PLCB4: variants seen among roughly 807,000 people sequenced by gnomAD.
PLCB4 encodes the protein 1-phosphatidylinositol 4,5-bisphosphate phosphodiesterase beta-4.
Under a neutral mutation model 178.8 loss-of-function variants are expected in PLCB4, and 77 were observed. The ratio of observed to expected loss-of-function variants is 0.43; its 90% CI spans 0.36 to 0.52. The LOEUF (loss-of-function observed/expected upper bound fraction) is 0.52. PLCB4 is among the 20% of genes least tolerant of loss of function. The pLI is 0.00. For missense variants in PLCB4, 1,024 were observed against 1,453.4 expected, an observed-to-expected ratio of 0.70 and a Z score of 4.80; for synonymous variants, 496 against 490.8, an observed-to-expected ratio of 1.01 and a Z score of -0.14.
intron 3 of PLCB4, among the ~76,000 whole-genome samples, chr20:9,250,481 T>C (rs1414993974): frequency 2.0e-5 from 3 of 152,266 alleles, no homozygotes; most frequent in Non-Finnish European, 2.9e-5. Context: ...AGACTGCATA[T>C]GAGTTATATA....
chr20:9,438,404 C>G (rs1313141405), intron 30 of PLCB4, among the ~76,000 whole-genome samples: 2 of 150,610 alleles, frequency 1.3e-5, no homozygotes, highest in African/African-American at 4.9e-5. Context: ...AATAAGTTGG[C>G]AGCTTTGATA....
rs553691545 is a variant in PLCB4, at chr20:9,203,777, GTTTTTTT to G, written c.-78-13593_-78-13587del. On this transcript the variant is annotated intron_variant, in intron 2 of 39. Transcript: ENST00000378473. The stretch of plus-strand genomic sequence containing the variant: ...TCCGAAGGCTCCATTTGGGAATAGT[GTTTTTTT>G]TTTTTTTTTTTTTTTTTTTCCCATT... Among the ~76,000 whole-genome samples the G allele has an allele frequency of 3.2e-3, 330 of 101,696 alleles. 6 individuals carry two copies. The highest frequency in any genetic ancestry group is 7.9e-3 in the African/African-American group (236 of 29,742). The allele number at this position is 101,696 out of a possible 152,430, so 66.7% of individuals were successfully genotyped here.
chr20:9,422,090 G>A (rs1440587109), intron 27 of PLCB4, among the ~76,000 whole-genome samples: 3 of 152,196 alleles, frequency 2.0e-5, no homozygotes, highest in South Asian at 2.1e-4. Flanking sequence ...TGGAAAATCC[G>A]CACACCGGCA....
chr20:9,285,231 G>A (rs1453529506), intron 3 of PLCB4, among the ~76,000 whole-genome samples: 2 of 151,552 alleles, frequency 1.3e-5, no homozygotes, highest in East Asian at 3.9e-4. Context: ...GTTTATAATG[G>A]CATTATTTTA....
intron 1 of PLCB4, among the ~76,000 whole-genome samples, chr20:9,086,860 C>T (rs1017173175): frequency 1.2e-4 from 19 of 152,162 alleles, no homozygotes; most frequent in Admixed American, 5.9e-4. Flanking sequence ...TTCACATCAC[C>T]GGTTTAAATG....
chr20:9,301,988 T>A (rs1362902523), intron 3 of PLCB4, among the ~76,000 whole-genome samples: 1 of 152,182 alleles, frequency 6.6e-6, no homozygotes, highest in Non-Finnish European at 1.5e-5. Flanking sequence ...GTAAAGTCTC[T>A]TCCACTTCCC....
At chr20:9,340,133 A>G (rs1361161728) in intron 7 of PLCB4, among the ~76,000 whole-genome samples, 1 of 152,156 alleles carries the variant, frequency 6.6e-6, no homozygotes, top group Non-Finnish European at 1.5e-5. Flanking sequence ...TGTAGGTTGA[A>G]TTTCTAATAT....
intron 1 of PLCB4, among the ~76,000 whole-genome samples, chr20:9,077,878 C>G (rs1240904010): frequency 6.6e-6 from 1 of 152,164 alleles, no homozygotes; most frequent in Non-Finnish European, 1.5e-5. Flanking sequence ...TTAAGAATCT[C>G]TTTTGCTTTT....
At chr20:9,315,741 T>C (rs2094891265) in intron 4 of PLCB4, among the ~76,000 whole-genome samples, 2 of 152,220 alleles carry the variant, frequency 1.3e-5, no homozygotes, top group South Asian at 2.1e-4. Flanking sequence ...GAGACCAGCC[T>C]GGTCAACATG....
At chr20:9,455,699 T>C (rs1249951393) in intron 33 of PLCB4, among the ~76,000 whole-genome samples, 1 of 152,206 alleles carries the variant, frequency 6.6e-6, no homozygotes, top group Non-Finnish European at 1.5e-5. Flanking sequence ...CCTAGCAGGC[T>C]CTTCACACAG....
At chr20:9,137,435 GT>G (rs1467869113) in intron 2 of PLCB4, among the ~76,000 whole-genome samples, 4 of 152,144 alleles carry the variant, frequency 2.6e-5, no homozygotes, top group Non-Finnish European at 5.9e-5. Context: ...TAAAGAAGAT[GT>G]TTTTTGGAGG....
intron 2 of PLCB4, among the ~76,000 whole-genome samples, chr20:9,200,025 A>T (rs1164021908): frequency 6.9e-6 from 1 of 144,882 alleles, no homozygotes; most frequent in African/African-American, 2.6e-5. Flanking sequence ...TCTGATTTTG[A>T]TCTTTACTCA....
At chr20:9,275,302 A>G (rs927229735) in intron 3 of PLCB4, among the ~76,000 whole-genome samples, 4 of 152,048 alleles carry the variant, frequency 2.6e-5, no homozygotes, top group Non-Finnish European at 5.9e-5. Context: ...TATCACAAGA[A>G]TAGCATGGGA....
chr20:9,095,916 T>A (rs189984946), intron 1 of PLCB4, among the ~76,000 whole-genome samples: 3 of 152,174 alleles, frequency 2.0e-5, no homozygotes, highest in African/African-American at 7.2e-5. Context: ...GAGTGGAGTT[T>A]TATATATTTC....
At chr20:9,194,692 C>CAAAAA (rs555217572) in intron 2 of PLCB4, among the ~76,000 whole-genome samples, 6 of 40,782 alleles carry the variant, frequency 1.5e-4, no homozygotes, top group South Asian at 1.6e-3. Flanking sequence ...GACTCCATCT[C>CAAAAA]AAAAAAAAAA....
chr20:9,225,052 A>T (rs555388881), intron 3 of PLCB4, among the ~76,000 whole-genome samples: 2 of 152,240 alleles, frequency 1.3e-5, no homozygotes, highest in South Asian at 4.2e-4. Flanking sequence ...CAACTTATTT[A>T]CTATGAAATG....
intron 3 of PLCB4, among the ~76,000 whole-genome samples, chr20:9,230,589 A>G (rs566014131): frequency 6.6e-6 from 1 of 152,184 alleles, no homozygotes; most frequent in Non-Finnish European, 1.5e-5. Context: ...CCCCTCATTT[A>G]ACTCACAATT....
At chr20:9,106,731 A>G (rs1375079095) in intron 2 of PLCB4, among the ~76,000 whole-genome samples, 4 of 152,172 alleles carry the variant, frequency 2.6e-5, no homozygotes, top group African/African-American at 9.6e-5. Flanking sequence ...GCCAATGGGA[A>G]CATAAACTGG....
chr20:9,408,993 T>C, intron 23 of PLCB4, 64 bp from the exon 24 acceptor site: 1 of 1,480,874 alleles, frequency 6.8e-7, no homozygotes, highest in Non-Finnish European at 9.3e-7. Flanking sequence ...TTGTTTTAGC[T>C]CTTTGTTGTT....
Sources: gnomAD v4.1 joint callset for allele counts (sites outside exome capture counted in the v4.1 genomes callset) on GRCh38, gnomAD v4.1.1 for gene constraint, MANE v1.5 for transcripts, NCBI Gene and HGNC (gene_info 2026-07-23, HGNC 2026-07-21) for gene names.